MICALL2: variants seen among roughly 807,000 people sequenced by gnomAD.
The protein encoded by MICALL2 is MICAL-like protein 2.
MICALL2 carries 111 observed loss-of-function variants against 91.1 expected under a neutral mutation model. The observed-to-expected ratio is 1.22, with a 90% CI of 1.04 to 1.43. The LOEUF (loss-of-function observed/expected upper bound fraction) is 1.43, where lower values mean the gene tolerates loss of function less well. Among genes scored for constraint, MICALL2 ranks in the 40% most tolerant of loss-of-function variants. The pLI, the probability that MICALL2 is intolerant of heterozygous loss-of-function variation, is 0.00. For missense variants in MICALL2, 1,556 were observed against 1,236.0 expected (o/e 1.26, Z -3.88); for synonymous variants, 694 against 525.3 (o/e 1.32, Z -4.39).
At chr7:1,435,709 C>T (rs1445643347) in intron 15 of MICALL2, among the ~76,000 whole-genome samples, 2 of 152,254 alleles carry the variant, frequency 1.3e-5, no homozygotes, top group African/African-American at 2.4e-5. Context: ...GACAGTCACA[C>T]AGTCCGTGCA....
chr7:1,458,548 C>T (rs1781099934), intron 1 of MICALL2, among the ~76,000 whole-genome samples: 1 of 152,258 alleles, frequency 6.6e-6, no homozygotes, highest in South Asian at 2.1e-4. Context: ...ACGGGCAGGG[C>T]CAGCTGCCCA....
chr7:1,440,062 C>T lies in MICALL2; in HGVS notation c.1829G>A (p.Arg610Gln), dbSNP rs201339113. 1.9e-4 allele frequency: 296 copies of T among 1,587,788 alleles called. No individual in the cohort carries two copies. The highest frequency in any genetic ancestry group is 2.4e-4 in the Non-Finnish European group (282 of 1,171,902). The part of the protein sequence containing the change: ...AERTLKPKEP[R>Q]ALAEPRAGEA... Reference sequence around the variant, plus strand: ...CCCCGCCCTCGGCTCTGCCAGGGCCCGTGGTTCCTTGGGCTTCAGAGTCCT... The same window carrying T: ...CCCCGCCCTCGGCTCTGCCAGGGCCTGTGGTTCCTTGGGCTTCAGAGTCCT... The change falls in exon 9 of 17, where the codon CGG (arginine) becomes CAG (glutamine). Residue 610 changes from arginine to glutamine, a missense_variant. Transcript: ENST00000297508.
chr7:1,437,040 C>T, intron 14 of MICALL2, 184 bp from the exon 15 acceptor site: 1 of 516,718 alleles, frequency 1.9e-6, no homozygotes, highest in South Asian at 2.8e-5. Context: ...CACGTCAGAG[C>T]CCGTGTGCTG....
chr7:1,445,033 A>G lies in MICALL2; in HGVS notation c.1037T>C (p.Met346Thr). ...GCACGGGGCAGCTGACGACCAGCCC[A>G]TCGGGGAGCTATTGGTCACACGAGG... is the stretch of plus-strand genomic sequence containing the variant. ...VRPRVTNSSP[M>T]GWSSAAPCTA... The change falls in exon 6 of 17, where the codon ATG (methionine) becomes ACG (threonine). Residue 346 changes from methionine (M) to threonine (T), a missense_variant. Transcript: ENST00000297508. 3 of 1,534,348 alleles carry G rather than the reference A, an allele frequency of 2.0e-6. No individual in the cohort carries two copies. The highest frequency in any genetic ancestry group is 3.4e-4 in the Middle Eastern group (2 of 5,886).
intron 14 of MICALL2, 84 bp downstream of exon 14, chr7:1,437,451 G>A: frequency 5.6e-6 from 7 of 1,247,636 alleles, no homozygotes; most frequent in South Asian, 4.6e-5. Context: ...ACAGTCAGGT[G>A]GCCTCACAGA....
rs573747653 is a variant in MICALL2, at chr7:1,459,406, G to A, written c.-80C>T. ...TGTGCCGCGACCGCCCGGCCGGCGG[G>A]ACAGACGCTGGGACCGCTACGGAAC... On this transcript the variant is annotated 5_prime_UTR_variant, in exon 1 of 17. Transcript: ENST00000297508. 5.3e-6 allele frequency: 7 copies of A among 1,314,672 alleles called. No homozygotes were observed. The East Asian group carries it at 2.2e-4, about 41-fold the overall frequency. The allele number at this position is 1,314,672 out of a possible 1,614,324, so 81.4% of individuals were successfully genotyped here. A position where few individuals can be genotyped will look rare whatever the true frequency, so the allele number is the denominator to read the frequency against.
Position 1,453,575 on chromosome 7 carries a change from C to T in MICALL2, c.144-3287G>A, listed in dbSNP as rs375639433. 3.9e-5 allele frequency among the ~76,000 whole-genome samples: 6 copies of T among 152,084 alleles called. No homozygotes were observed. In the East Asian group the frequency reaches 5.8e-4, roughly 15 times the overall value. On this transcript the variant is annotated intron_variant, in intron 1 of 16. Coordinates refer to ENST00000297508, the MANE Select transcript of MICALL2 (RefSeq NM_182924.4). ...AGCAGGTGGACACCCCTGTCCTTGCCGGACAAAAATGCATCAGCTTCCCCC... is the reference window on the plus strand; with the variant it reads ...AGCAGGTGGACACCCCTGTCCTTGCTGGACAAAAATGCATCAGCTTCCCCC...
chr7:1,445,571 A>G (rs1780536978), intron 5 of MICALL2, 143 bp from the exon 6 acceptor site: 13 of 751,792 alleles, frequency 1.7e-5, no homozygotes, highest in Non-Finnish European at 2.5e-5. Flanking sequence ...CGCATTCACC[A>G]CGTGCTCCTG....
rs149763522 is a variant in MICALL2 at position 1,442,394 on chromosome 7, C to T, written c.1509G>A (p.Ser503=). 2.5e-4 allele frequency: 394 copies of T among 1,606,016 alleles called. 1 individual carries two copies. The highest frequency in any genetic ancestry group is 2.9e-4 in the Non-Finnish European group (346 of 1,175,456). ...ASPLAKPLQS[S]SPRVLGLPSR... is the part of the protein sequence containing the mutation. ...AAGGGAGGCCAAGCACCCGGGGAGA[C>T]GAGGACTGTAACGGCTTGGCTAAGG... The change falls in exon 7 of 17, where the codon TCG becomes TCA. Residue 503 remains serine, a synonymous_variant. Transcript: ENST00000297508.
chr7:1,437,829 G>T, intron 13 of MICALL2, 61 bp downstream of exon 13: 1 of 1,467,506 alleles, frequency 6.8e-7, no homozygotes, highest in Non-Finnish European at 9.3e-7. Flanking sequence ...CCCCCGCCTG[G>T]CCTGCCCAGC....
chr7:1,446,984 G>A (rs917642222), intron 4 of MICALL2, among the ~76,000 whole-genome samples, 156 bp from the exon 5 acceptor site: 6 of 152,152 alleles, frequency 3.9e-5, no homozygotes, highest in African/African-American at 1.4e-4. Context: ...CACCCAGGTG[G>A]GTGGCAGCCC....
intron 12 of MICALL2, 39 bp downstream of exon 12, chr7:1,438,058 G>A (rs748692393): frequency 1.3e-6 from 2 of 1,565,110 alleles, no homozygotes; most frequent in African/African-American, 1.4e-5. Context: ...GGGTGTCTGT[G>A]GGAGTCGGGC....
rs371621858 is a variant in MICALL2, at chr7:1,437,594, C to T, written c.2417G>A (p.Arg806His). 2.1e-5 allele frequency: 33 copies of T among 1,538,690 alleles called. No individual in the cohort carries two copies. The highest frequency in any genetic ancestry group is 8.2e-5 in the African/African-American group (6 of 72,884). The change falls in exon 14 of 17, where the codon CGT (arginine) becomes CAT (histidine). Residue 806 changes from arginine to histidine, a missense_variant. By Grantham distance (29) the Arg-to-His change is conservative. Coordinates refer to ENST00000297508, the MANE Select transcript of MICALL2 (RefSeq NM_182924.4). ...GATGTCCAGCTGCTGCTCCTCCAGA[C>T]GCTGGGCCTTGGACCTGCCGCACAG... is the stretch of plus-strand genomic sequence containing the variant. ...SELMYKSKAQ[R>H]LEEQQLDIEG...
In MICALL2 at chr7:1,455,040, G is replaced by A. The variant is rs749253924; in HGVS notation, c.143+4144C>T. On this transcript the variant is annotated intron_variant, in intron 1 of 16. Transcript: ENST00000297508. The stretch of plus-strand genomic sequence containing the variant: ...AGGCCTGGCCACAAATCCGACAAAT[G>A]CCCCCAGCCACGAACCCCAAGAAGG... 9.2e-5 allele frequency among the ~76,000 whole-genome samples: 14 copies of A among 152,254 alleles called. No individual in the cohort carries two copies. In the South Asian group the frequency reaches 1.0e-3, roughly 11 times the overall value.
intron 1 of MICALL2, among the ~76,000 whole-genome samples, chr7:1,450,845 G>A (rs1346695417): frequency 6.6e-6 from 1 of 152,218 alleles, no homozygotes; most frequent in African/African-American, 2.4e-5. Flanking sequence ...TGTTGGAAGG[G>A]TGACTTCTGT....
At position 1,438,194 on chromosome 7, in the gene MICALL2, C is replaced by T. The variant is rs764865728; in HGVS notation, c.2214G>A (p.Glu738=). ...TGTCCTGCAGCTGCCTCTGTATCTC[C>T]TCCGGGGAGAGGTAGTCGGGGTGCA... The part of the protein sequence containing the change: ...VRLHPDYLSP[E]EIQRQLQDIE... Residue 738 remains glutamate (E), a synonymous_variant, in exon 12 of 17, where the codon GAG becomes GAA. Coordinates refer to ENST00000297508, the MANE Select transcript of MICALL2 (RefSeq NM_182924.4). 5 of 1,580,256 alleles carry T rather than the reference C, an allele frequency of 3.2e-6. No individual in the cohort carries two copies. Among genetic ancestry groups the T allele is most frequent in the Non-Finnish European group, 4.3e-6 (5 of 1,163,074 alleles).
At chr7:1,435,605 G>A (rs1230333199) in intron 15 of MICALL2, among the ~76,000 whole-genome samples, 4 of 152,268 alleles carry the variant, frequency 2.6e-5, no homozygotes, top group South Asian at 2.1e-4. Context: ...GCCCCGTCAC[G>A]CTCCCAGAGG....
intron 10 of MICALL2, chr7:1,438,558 G>T: frequency 7.0e-7 from 1 of 1,425,346 alleles, no homozygotes; most frequent in Non-Finnish European, 9.1e-7. Flanking sequence ...CCTGCACCCT[G>T]CCCTCCTCCA....
intron 6 of MICALL2, among the ~76,000 whole-genome samples, chr7:1,443,853 G>C (rs1376547154): frequency 6.6e-6 from 1 of 152,226 alleles, no homozygotes; most frequent in African/African-American, 2.4e-5. Context: ...AAGCCGCCCA[G>C]TGAGGGGGTC....
Sources: gnomAD v4.1 joint callset for allele counts (sites outside exome capture counted in the v4.1 genomes callset) on GRCh38, gnomAD v4.1.1 for gene constraint, MANE v1.5 for transcripts, NCBI Gene and HGNC (gene_info 2026-07-23, HGNC 2026-07-21) for gene names.